The following GLCE variants were observed in gnomAD, a reference collection of about 807,000 sequenced individuals.
GLCE encodes D-glucuronyl C5-epimerase.
A neutral mutation model predicts 47.9 loss-of-function variants in GLCE; 19 were observed. The observed-to-expected ratio is 0.40, with a 90% confidence interval of 0.28 to 0.58. GLCE has a LOEUF of 0.58. Among genes scored for constraint, GLCE ranks in the 20% least tolerant of loss-of-function variants. The pLI is 0.48. For synonymous variants in GLCE, 245 were observed against 263.4 expected (o/e 0.93, Z 0.68); for missense variants, 556 against 743.3 (o/e 0.75, Z 2.93).
intron 2 of GLCE, among the ~76,000 whole-genome samples, chr15:69,218,612 T>G (rs1291134544): frequency 6.6e-6 from 1 of 152,196 alleles, no homozygotes; most frequent in Non-Finnish European, 1.5e-5. Context: ...AACCTTATGT[T>G]TAATTAATAA....
chr15:69,169,401 A>G (rs993284732), intron 1 of GLCE, among the ~76,000 whole-genome samples: 1 of 151,750 alleles, frequency 6.6e-6, no homozygotes, highest in African/African-American at 2.4e-5. Context: ...ATACACACAT[A>G]ATTCTTTTTT....
intron 4 of GLCE, among the ~76,000 whole-genome samples, chr15:69,266,616 C>T (rs1322945267): frequency 6.6e-6 from 1 of 152,194 alleles, no homozygotes; most frequent in Non-Finnish European, 1.5e-5. Context: ...GTGCCTGGCC[C>T]AGTTCACATT....
chr15:69,213,531 A>G (rs983057694), intron 2 of GLCE, among the ~76,000 whole-genome samples: 1 of 152,150 alleles, frequency 6.6e-6, no homozygotes, highest in African/African-American at 2.4e-5. Flanking sequence ...TCAGCACACA[A>G]TATCAGAAGC....
At chr15:69,221,566 AATT>A (rs1428691584) in intron 2 of GLCE, among the ~76,000 whole-genome samples, 4 of 74,502 alleles carry the variant, frequency 5.4e-5, no homozygotes, top group African/African-American at 1.0e-4. Flanking sequence ...GAAATTAACT[AATT>A]AAAAAAAATT....
At chr15:69,227,327 GGAGA>G (rs1186381820) in intron 2 of GLCE, among the ~76,000 whole-genome samples, 1 of 152,034 alleles carries the variant, frequency 6.6e-6, no homozygotes, top group Admixed American at 6.6e-5. Flanking sequence ...TATTTGTATT[GGAGA>G]GAGAACATCA....
intron 1 of GLCE, among the ~76,000 whole-genome samples, chr15:69,176,594 A>AT (rs1253042118): frequency 1.3e-5 from 2 of 152,072 alleles, no homozygotes; most frequent in Non-Finnish European, 2.9e-5. Flanking sequence ...AAAAAGTAAC[A>AT]TTTTTGTATA....
chr15:69,258,821 G>A (rs1279760847), intron 3 of GLCE, among the ~76,000 whole-genome samples: 1 of 151,944 alleles, frequency 6.6e-6, no homozygotes, highest in Middle Eastern at 3.2e-3. Context: ...TAGCACAAAG[G>A]GTGACTAACT....
intron 2 of GLCE, among the ~76,000 whole-genome samples, chr15:69,218,185 T>C (rs994793135): frequency 1.3e-5 from 2 of 151,174 alleles, no homozygotes; most frequent in South Asian, 4.2e-4. Context: ...ATTCACACTT[T>C]TATCAACTAT....
At chr15:69,183,845 G>A (rs1414527936) in intron 1 of GLCE, among the ~76,000 whole-genome samples, 5 of 152,196 alleles carry the variant, frequency 3.3e-5, no homozygotes. Flanking sequence ...CCTGTGGTAT[G>A]AGGAGTTGGG....
At chr15:69,177,709 C>T (rs779248652) in intron 1 of GLCE, among the ~76,000 whole-genome samples, 2 of 147,744 alleles carry the variant, frequency 1.4e-5, no homozygotes, top group African/African-American at 2.6e-5. Flanking sequence ...CTTCATGCCG[C>T]TTTATCATCT....
At chr15:69,170,956 G>T (rs2051580135) in intron 1 of GLCE, among the ~76,000 whole-genome samples, 1 of 152,160 alleles carries the variant, frequency 6.6e-6, no homozygotes, top group Non-Finnish European at 1.5e-5. Flanking sequence ...AGGTATTTAG[G>T]AAAACATTTA....
intron 2 of GLCE, 57 bp from the exon 3 acceptor site, chr15:69,255,737 C>T: frequency 6.3e-6 from 6 of 948,560 alleles, no homozygotes; most frequent in African/African-American, 1.7e-5. Flanking sequence ...AAAACTTTAT[C>T]CTATGAAATG....
At chr15:69,215,481 A>T (rs750164395) in intron 2 of GLCE, among the ~76,000 whole-genome samples, 9 of 151,824 alleles carry the variant, frequency 5.9e-5, no homozygotes, top group African/African-American at 9.7e-5. Context: ...GTTGTGGGAC[A>T]TCTGGGTTGT....
At chr15:69,228,067 A>G (rs1049379406) in intron 2 of GLCE, among the ~76,000 whole-genome samples, 2 of 152,210 alleles carry the variant, frequency 1.3e-5, no homozygotes, top group African/African-American at 4.8e-5. Flanking sequence ...AGCTAGGAGG[A>G]AAGTTTTTCT....
chr15:69,191,085 A>G (rs982728735), intron 1 of GLCE, among the ~76,000 whole-genome samples: 8 of 152,152 alleles, frequency 5.3e-5, no homozygotes, highest in Admixed American at 2.0e-4. Flanking sequence ...AAACCATTTT[A>G]TTTTAAAGAG....
chr15:69,205,825 C>T (rs1311466758), intron 1 of GLCE, among the ~76,000 whole-genome samples: 1 of 152,080 alleles, frequency 6.6e-6, no homozygotes, highest in African/African-American at 2.4e-5. Flanking sequence ...CCATTAAAAA[C>T]AACCTTTTTA....
chr15:69,223,874 A>G (rs181572066), intron 2 of GLCE, among the ~76,000 whole-genome samples: 5 of 151,952 alleles, frequency 3.3e-5, no homozygotes, highest in Admixed American at 2.0e-4. Flanking sequence ...TGAATTTTTC[A>G]TTTTGTACTT....
In GLCE at chr15:69,230,738, G is replaced by A. The variant is rs1439860420; in HGVS notation, c.-14+20332G>A. The stretch of plus-strand genomic sequence containing the variant: ...TATTGGGGCTTACTAATTTCTAGAT[G>A]TATTTGTGTCCTGTTGTTATTATAG... On this transcript the variant is annotated intron_variant, in intron 2 of 4. Coordinates refer to ENST00000261858, the MANE Select transcript of GLCE (RefSeq NM_015554.3). Among the ~76,000 whole-genome samples, 3 of 152,208 alleles carry A rather than the reference G, an allele frequency of 2.0e-5. No homozygotes were observed. In the East Asian group the frequency reaches 5.8e-4, roughly 29 times the overall value.
chr15:69,172,461 T>C (rs1238431673), intron 1 of GLCE, among the ~76,000 whole-genome samples: 2 of 152,188 alleles, frequency 1.3e-5, no homozygotes, highest in Non-Finnish European at 2.9e-5. Context: ...ATATATAGAA[T>C]TATTGCTACA....
Sources: allele counts gnomAD v4.1 joint callset (sites outside exome capture counted in the v4.1 genomes callset), GRCh38; gene constraint gnomAD v4.1.1; transcripts MANE v1.5; gene names NCBI Gene and HGNC (gene_info 2026-07-23, HGNC 2026-07-21).